Variants in PREX1 observed in about 807,000 individuals in gnomAD.
PREX1 encodes the protein phosphatidylinositol-3,4,5-trisphosphate dependent Rac exchange factor 1, also known as phosphatidylinositol 3,4,5-trisphosphate-dependent Rac exchanger 1 protein.
PREX1 carries 41 observed loss-of-function variants against 198.3 expected under a neutral mutation model. The observed-to-expected ratio is 0.21, with a 90% confidence interval of 0.16 to 0.27. The LOEUF (loss-of-function observed/expected upper bound fraction) is 0.27, where lower values mean the gene tolerates loss of function less well. PREX1 is among the 10% of genes least tolerant of loss of function. The pLI, the probability that PREX1 is intolerant of heterozygous loss-of-function variation, is 1.00. For missense variants in PREX1, 1,620 were observed against 2,200.7 expected, an observed-to-expected ratio of 0.74 and a Z score of 5.28; for synonymous variants, 843 against 887.2, an observed-to-expected ratio of 0.95 and a Z score of 0.89.
chr20:48,832,335 G>C (rs2090539001), upstream of PREX1, among the ~76,000 whole-genome samples: 1 of 152,144 alleles, frequency 6.6e-6, no homozygotes, highest in Non-Finnish European at 1.5e-5. Flanking sequence ...GCCCCTGTCA[G>C]CTTCTGCAGG....
chr20:48,775,537 G>T (rs2090257076), intron 1 of PREX1, among the ~76,000 whole-genome samples: 1 of 152,078 alleles, frequency 6.6e-6, no homozygotes, highest in Admixed American at 6.5e-5. Flanking sequence ...TGAGAGTAAG[G>T]ACTGGGAAAG....
chr20:48,870,650 G>A, the PREX1 span, among the ~76,000 whole-genome samples: 8 of 152,152 alleles, frequency 5.3e-5, no homozygotes, highest in East Asian at 1.9e-4. Context: ...ACAACCAACC[G>A]TAAAAATCAT....
chr20:48,830,972 T>C (rs554083167), upstream of PREX1, among the ~76,000 whole-genome samples: 5 of 152,294 alleles, frequency 3.3e-5, no homozygotes, highest in African/African-American at 1.2e-4. Flanking sequence ...GCTTAAAGCA[T>C]AAGGACATTA....
In PREX1 at chr20:48,652,619, C is replaced by T. The variant is rs752168368; in HGVS notation, c.2434G>A (p.Glu812Lys). 2.0e-4 allele frequency: 326 copies of T among 1,612,996 alleles called. No homozygotes were observed. The highest frequency in any genetic ancestry group is 2.6e-4 in the Non-Finnish European group (301 of 1,179,428). The change falls in exon 21 of 40, where the codon GAG becomes AAG. Residue 812 changes from glutamate to lysine, a missense_variant. Glu to Lys is a moderately conservative substitution (Grantham distance 56, BLOSUM62 1). Coordinates refer to ENST00000371941, the MANE Select transcript of PREX1 (RefSeq NM_020820.4). The part of the protein sequence containing the change: ...QEASTEDPSG[E>K]QAQEEDQADS... ...GCCTGGTCTTCCTCCTGGGCCTGCTCGCCACTGGGGTCCTCAGTGGAGGCC... is the reference window on the plus strand; with the variant it reads ...GCCTGGTCTTCCTCCTGGGCCTGCTTGCCACTGGGGTCCTCAGTGGAGGCC...
At chr20:48,849,802 C>G in the PREX1 span, among the ~76,000 whole-genome samples, 2 of 152,180 alleles carry the variant, frequency 1.3e-5, no homozygotes, top group African/African-American at 4.8e-5. Flanking sequence ...AACACATTGC[C>G]TACTTGGTGG....
chr20:48,830,286 CAGG>C (rs1297823096), upstream of PREX1, among the ~76,000 whole-genome samples: 1 of 152,204 alleles, frequency 6.6e-6, no homozygotes, highest in Non-Finnish European at 1.5e-5. Flanking sequence ...TGCTTGAGCC[CAGG>C]AGGTCAGGGC....
the PREX1 span, among the ~76,000 whole-genome samples, chr20:48,864,357 A>G: frequency 0.17 from 26,336 of 152,206 alleles, 2,354 homozygotes; most frequent in Non-Finnish European, 0.19. Flanking sequence ...ACTGGGGTTA[A>G]TATTCCAGAC....
intron 6 of PREX1, among the ~76,000 whole-genome samples, chr20:48,701,876 G>GT (rs2089876810): frequency 6.6e-6 from 1 of 152,116 alleles, no homozygotes; most frequent in Non-Finnish European, 1.5e-5. Flanking sequence ...GCGTGGCTGG[G>GT]AAAGGCATCA....
rs531566954 is a variant in PREX1 at position 48,639,415 on chromosome 20, C to T, written c.3904+351G>A. ...GGCTGCCAGCCGGTGTCCCTCATAC[C>T]CTGATAATAACAGGAACTCACACAT... is the stretch of plus-strand genomic sequence containing the variant. On this transcript the variant is annotated intron_variant, in intron 30 of 39. Transcript: ENST00000371941. 7.9e-5 allele frequency among the ~76,000 whole-genome samples: 12 copies of T among 152,332 alleles called. No homozygotes were observed. In the East Asian group the frequency reaches 1.3e-3, roughly 17 times the overall value.
intron 15 of PREX1, among the ~76,000 whole-genome samples, chr20:48,660,739 A>G (rs1450906393): frequency 6.6e-6 from 1 of 152,244 alleles, no homozygotes; most frequent in Non-Finnish European, 1.5e-5. Flanking sequence ...ACAGGAATAA[A>G]TATCTAGAAT....
At chr20:48,657,450 T>A (rs1367239536) in intron 17 of PREX1, among the ~76,000 whole-genome samples, 1 of 152,202 alleles carries the variant, frequency 6.6e-6, no homozygotes, top group African/African-American at 2.4e-5. Context: ...GGCCTGACCC[T>A]GTTGTGTGGG....
chr20:48,814,276 A>G (rs1474760661), intron 1 of PREX1, among the ~76,000 whole-genome samples: 1 of 152,266 alleles, frequency 6.6e-6, no homozygotes, highest in East Asian at 1.9e-4. Context: ...AACACAGCAG[A>G]CAAGGGCTGT....
chr20:48,782,211 T>C (rs994866360), intron 1 of PREX1, among the ~76,000 whole-genome samples: 25 of 152,306 alleles, frequency 1.6e-4, no homozygotes, highest in Admixed American at 1.5e-3. Context: ...TCTCGAATTG[T>C]AGCTCTCATA....
chr20:48,730,029 G>A (rs766963065), intron 4 of PREX1, among the ~76,000 whole-genome samples: 14 of 152,190 alleles, frequency 9.2e-5, no homozygotes, highest in East Asian at 7.7e-4. Flanking sequence ...ACCGACGGCC[G>A]CTGGAAGATT....
chr20:48,701,719 T>C (rs953233642), intron 6 of PREX1, among the ~76,000 whole-genome samples: 20 of 152,078 alleles, frequency 1.3e-4, no homozygotes, highest in African/African-American at 4.6e-4. Context: ...GTGCAAACCA[T>C]CGGGGGCAGG....
the PREX1 span, among the ~76,000 whole-genome samples, chr20:48,860,111 G>A: frequency 1.3e-5 from 2 of 152,220 alleles, no homozygotes; most frequent in Non-Finnish European, 2.9e-5. Flanking sequence ...ATAGCCAAAA[G>A]CTGGAAGCAA....
chr20:48,799,376 A>C (rs956282619), intron 1 of PREX1, among the ~76,000 whole-genome samples: 7 of 152,138 alleles, frequency 4.6e-5, no homozygotes, highest in Admixed American at 3.9e-4. Flanking sequence ...ACAGGCCTGG[A>C]AGAGGAAAAC....
At chr20:48,759,250 T>C (rs928992868) in intron 1 of PREX1, among the ~76,000 whole-genome samples, 5 of 152,058 alleles carry the variant, frequency 3.3e-5, no homozygotes, top group Admixed American at 6.6e-5. Flanking sequence ...GTGAGGCTGA[T>C]ATGAAATACT....
At chr20:48,669,906 C>G (rs2089663879) in intron 14 of PREX1, among the ~76,000 whole-genome samples, 1 of 152,116 alleles carries the variant, frequency 6.6e-6, no homozygotes, top group Admixed American at 6.5e-5. Flanking sequence ...CACAGGACCC[C>G]AGACAGCCTC....
Sources: allele counts gnomAD v4.1 joint callset (sites outside exome capture counted in the v4.1 genomes callset), GRCh38; gene constraint gnomAD v4.1.1; transcripts MANE v1.5; gene names NCBI Gene and HGNC (gene_info 2026-07-23, HGNC 2026-07-21).